RAB3GAP2: variants seen among roughly 807,000 people sequenced by gnomAD.
RAB3GAP2 encodes the protein RAB3 GTPase activating non-catalytic protein subunit 2.
A neutral mutation model predicts 185.3 loss-of-function variants in RAB3GAP2; 87 were observed. The observed-to-expected ratio is 0.47, with a 90% CI of 0.39 to 0.56. RAB3GAP2 has a LOEUF of 0.56. RAB3GAP2 is among the 20% of genes least tolerant of loss of function. The pLI, the probability that RAB3GAP2 is intolerant of heterozygous loss-of-function variation, is 0.00. For synonymous variants in RAB3GAP2, 554 were observed against 576.1 expected (o/e 0.96, Z 0.55); for missense variants, 1,492 against 1,638.2 (o/e 0.91, Z 1.54).
At chr1:220,214,892 C>T (rs1659155939) in intron 2 of RAB3GAP2, among the ~76,000 whole-genome samples, 1 of 143,312 alleles carries the variant, frequency 7.0e-6, no homozygotes, top group Admixed American at 7.2e-5. Flanking sequence ...TCCAGAGATA[C>T]TTTATGCACA....
At chr1:220,245,175 C>T (rs12071836) in intron 1 of RAB3GAP2, among the ~76,000 whole-genome samples, 8 of 152,164 alleles carry the variant, frequency 5.3e-5, no homozygotes, top group Admixed American at 1.3e-4. Flanking sequence ...CCAAGATGGC[C>T]GAATAGGAAC....
At chr1:220,214,217 T>C (rs1659140875) in intron 2 of RAB3GAP2, among the ~76,000 whole-genome samples, 1 of 151,998 alleles carries the variant, frequency 6.6e-6, no homozygotes, top group South Asian at 2.1e-4. Flanking sequence ...TATAAACAAA[T>C]ATAAACTAGC....
chr1:220,267,373 A>G (rs1660247058), intron 1 of RAB3GAP2: 1 of 1,219,386 alleles, frequency 8.2e-7, no homozygotes. Context: ...CTGTATTTCT[A>G]CTTCTCTTCT....
intron 2 of RAB3GAP2, among the ~76,000 whole-genome samples, chr1:220,214,200 A>G (rs1659140456): frequency 1.3e-5 from 2 of 152,220 alleles, no homozygotes; most frequent in Admixed American, 1.3e-4. Context: ...AATGCAAAAA[A>G]TTTAAATATA....
intron 31 of RAB3GAP2, among the ~76,000 whole-genome samples, chr1:220,155,746 T>C (rs1657845107): frequency 6.6e-6 from 1 of 152,206 alleles, no homozygotes; most frequent in Non-Finnish European, 1.5e-5. Flanking sequence ...GTCACCCAGC[T>C]GTCTCAGGTA....
At chr1:220,241,195 C>T (rs1035116236) in intron 1 of RAB3GAP2, among the ~76,000 whole-genome samples, 10 of 152,028 alleles carry the variant, frequency 6.6e-5, no homozygotes, top group Non-Finnish European at 1.0e-4. Flanking sequence ...TCTGAACAGT[C>T]TGTCCTCATA....
chr1:220,222,791 C>A (rs1659331919), intron 2 of RAB3GAP2, among the ~76,000 whole-genome samples: 1 of 152,052 alleles, frequency 6.6e-6, no homozygotes, highest in Non-Finnish European at 1.5e-5. Flanking sequence ...CAAAGAAAAA[C>A]CCCCAAAAAC....
chr1:220,216,596 G>T (rs1455548137), intron 2 of RAB3GAP2, among the ~76,000 whole-genome samples: 2 of 152,152 alleles, frequency 1.3e-5, no homozygotes, highest in Admixed American at 1.3e-4. Context: ...GAGCTTAGAA[G>T]AGGACAGCTT....
intron 1 of RAB3GAP2, among the ~76,000 whole-genome samples, chr1:220,245,446 T>C (rs1659787823): frequency 6.6e-6 from 1 of 152,124 alleles, no homozygotes; most frequent in Non-Finnish European, 1.5e-5. Context: ...ACCCGAATAT[T>C]GCGCTTTTCA....
At position 220,196,452 on chromosome 1, in the gene RAB3GAP2, T is replaced by G. The variant is rs1183096809; in HGVS notation, c.812-54A>C. The G allele has an allele frequency of 2.7e-6, 4 of 1,484,314 alleles. No individual in the cohort carries two copies. The East Asian group carries it at 6.8e-5, about 25-fold the overall frequency. 91.9% of individuals were successfully genotyped at this position (1,484,314 alleles called of 1,614,324 possible). On this transcript the variant is annotated intron_variant, in intron 9 of 34. Transcript: ENST00000358951. The stretch of plus-strand genomic sequence containing the variant: ...GTACAATGTTATTGCGGTCATTACA[T>G]TTTTACTTCAGTTCCATTCTAAGAT...
Position 220,190,341 on chromosome 1 carries a change from G to A in RAB3GAP2, c.1631+36C>T, listed in dbSNP as rs768939728. On this transcript the variant is annotated intron_variant, in intron 15 of 34. Transcript: ENST00000358951. The stretch of plus-strand genomic sequence containing the variant: ...ACCTAGGAACTAGGAAAAGTTAGCA[G>A]AGGAGCGTCAATCAGCAACACTGGA... 4 of 1,613,698 alleles carry A rather than the reference G, an allele frequency of 2.5e-6. No individual in the cohort carries two copies. In the Admixed American group the frequency reaches 6.7e-5, roughly 27 times the overall value.
In RAB3GAP2 at chr1:220,151,611, C is replaced by G. The variant is rs1236816146; in HGVS notation, c.4021G>C (p.Ala1341Pro). Residue 1341 changes from alanine to proline, a missense_variant, in exon 34 of 35, where the codon GCA (alanine) becomes CCA (proline). Ala to Pro is a conservative substitution (Grantham distance 27). Coordinates refer to ENST00000358951, the MANE Select transcript of RAB3GAP2 (RefSeq NM_012414.4). ...LPPTLCTWLK[A>P]MDPQDLQNTE... ...TCTCGTTCTATTGTACTGACCATTG[C>G]TTTCAGCCAAGTACACAGTGTGGGT... 1.2e-6 allele frequency: 2 copies of G among 1,610,594 alleles called. No individual in the cohort carries two copies. The highest frequency in any genetic ancestry group is 1.7e-6 in the Non-Finnish European group (2 of 1,176,766).
chr1:220,163,154 C>A (rs1423023615), intron 27 of RAB3GAP2, among the ~76,000 whole-genome samples: 1 of 152,022 alleles, frequency 6.6e-6, no homozygotes, highest in Non-Finnish European at 1.5e-5. Flanking sequence ...TGAGCTGTGG[C>A]ATTAACATTA....
chr1:220,252,130 C>T (rs1434048255), intron 1 of RAB3GAP2, among the ~76,000 whole-genome samples: 2 of 131,498 alleles, frequency 1.5e-5, no homozygotes, highest in Non-Finnish European at 3.1e-5. Context: ...AGGTGATAGG[C>T]TGAGACCCTC....
At chr1:220,220,968 A>C (rs1659295002) in intron 2 of RAB3GAP2, among the ~76,000 whole-genome samples, 1 of 152,156 alleles carries the variant, frequency 6.6e-6, no homozygotes, top group Admixed American at 6.5e-5. Flanking sequence ...CTACGTGGAG[A>C]GAGCACCCTG....
At chr1:220,251,908 G>A (rs1447257581) in intron 1 of RAB3GAP2, among the ~76,000 whole-genome samples, 3 of 152,030 alleles carry the variant, frequency 2.0e-5, no homozygotes, top group Admixed American at 6.6e-5. Context: ...ATCCCAGCAC[G>A]GAAAGCCGAG....
At chr1:220,268,270 T>C (rs1283689176) in intron 1 of RAB3GAP2, among the ~76,000 whole-genome samples, 2 of 152,260 alleles carry the variant, frequency 1.3e-5, no homozygotes, top group Non-Finnish European at 2.9e-5. Flanking sequence ...AAACTCTTTA[T>C]ATTACGGCTT....
chr1:220,222,303 A>T (rs566736364), intron 2 of RAB3GAP2, among the ~76,000 whole-genome samples: 310 of 152,252 alleles, frequency 2.0e-3, no homozygotes, highest in Non-Finnish European at 3.9e-3. Context: ...TGTACTCCCA[A>T]ACAAAATTTT....
chr1:220,178,853 G>A (rs895333628), intron 21 of RAB3GAP2, among the ~76,000 whole-genome samples: 11 of 152,202 alleles, frequency 7.2e-5, no homozygotes, highest in African/African-American at 2.6e-4. Flanking sequence ...AGAGTGAGCT[G>A]GGCACAGTGA....
Sources: allele counts gnomAD v4.1 joint callset (sites outside exome capture counted in the v4.1 genomes callset), GRCh38; gene constraint gnomAD v4.1.1; transcripts MANE v1.5; gene names NCBI Gene and HGNC (gene_info 2026-07-23, HGNC 2026-07-21).